Variants in KIF24 observed in about 807,000 individuals in gnomAD.
The protein encoded by KIF24 is kinesin-like protein KIF24.
A neutral mutation model predicts 118.9 loss-of-function variants in KIF24; 81 were observed. The observed-to-expected ratio is 0.68, with a 90% confidence interval of 0.57 to 0.82. KIF24 has a LOEUF of 0.82. Among genes scored for constraint, KIF24 ranks in the 40% least tolerant of loss-of-function variants. KIF24 has a pLI of 0.00. For synonymous variants in KIF24, 599 were observed against 610.0 expected (o/e 0.98, Z 0.27); for missense variants, 1,560 against 1,661.6 (o/e 0.94, Z 1.06).
At chr9:34,285,344 A>C (rs1236678641) in intron 6 of KIF24, among the ~76,000 whole-genome samples, 1 of 152,182 alleles carries the variant, frequency 6.6e-6, no homozygotes, top group Non-Finnish European at 1.5e-5. Context: ...ATTTAAAATA[A>C]GGGCCAGGTG....
At position 34,255,855 on chromosome 9, in the gene KIF24, A is replaced by C. The variant is rs767125826; in HGVS notation, c.3752T>G (p.Val1251Gly). 3.1e-6 allele frequency: 5 copies of C among 1,613,886 alleles called. No individual in the cohort carries two copies. In the African/African-American group the frequency reaches 5.3e-5, roughly 17 times the overall value. Reference sequence around the variant, plus strand: ...GATCGGCCTGGGTTTGAGCCATGTGACATTTTCACTGTTGCAGGGCAACTT... The same window carrying C: ...GATCGGCCTGGGTTTGAGCCATGTGCCATTTTCACTGTTGCAGGGCAACTT... ...PIKLPCNSEN[V>G]TWLKPRPISR... Residue 1251 changes from valine (V) to glycine (G), a missense_variant, in exon 11 of 13, where the codon GTC (valine) becomes GGC (glycine). By Grantham distance (109) the Val-to-Gly change is moderately radical. Around this residue, in one of 3 missense-constraint regions of KIF24, gnomAD observed 591 missense variants for 655.6 expected, o/e 0.90. Coordinates refer to ENST00000402558, the MANE Select transcript of KIF24 (RefSeq NM_194313.4).
At chr9:34,326,628 A>C (rs183112065) in intron 1 of KIF24, among the ~76,000 whole-genome samples, 358 of 152,264 alleles carry the variant, frequency 2.4e-3, no homozygotes, top group South Asian at 5.0e-3. Flanking sequence ...CATTAGCCCA[A>C]AGGTGGAAAT....
intron 6 of KIF24, chr9:34,282,586 C>T (rs2131732244): frequency 6.6e-6 from 1 of 152,198 alleles, no homozygotes; most frequent in Admixed American, 6.5e-5. Context: ...GAGCAAGCTC[C>T]TACTCCATCT....
At chr9:34,277,068 T>C (rs1835683719) in intron 6 of KIF24, among the ~76,000 whole-genome samples, 1 of 152,186 alleles carries the variant, frequency 6.6e-6, no homozygotes, top group Non-Finnish European at 1.5e-5. Flanking sequence ...AAACTCTTTT[T>C]TTTCTTCATT....
rs764816516 is a variant in KIF24, at chr9:34,310,883, T to C, written c.464A>G (p.Asn155Ser). 1.9e-5 allele frequency: 30 copies of C among 1,613,882 alleles called. No homozygotes were observed. Among genetic ancestry groups the C allele is most frequent in the Non-Finnish European group, 2.3e-5 (27 of 1,179,866 alleles). ...SQYHTKTGIL[N>S]ATAGDSYVQT... ...CACATAGGAATCACCAGCTGTGGCATTCAGAATTCCTGTTTTTGTATGGTA... is the reference window on the plus strand; with the variant it reads ...CACATAGGAATCACCAGCTGTGGCACTCAGAATTCCTGTTTTTGTATGGTA... Residue 155 changes from asparagine to serine, a missense_variant, in exon 2 of 13, where the codon AAT (asparagine) becomes AGT (serine). Asn to Ser is a conservative substitution (Grantham distance 46). Coordinates refer to ENST00000402558, the MANE Select transcript of KIF24 (RefSeq NM_194313.4).
chr9:34,314,385 C>T (rs12375518), intron 1 of KIF24, among the ~76,000 whole-genome samples: 34,259 of 151,800 alleles, frequency 0.23, 4,558 homozygotes, highest in East Asian at 0.61. Flanking sequence ...AGGTTGGTCT[C>T]GAACTCCTGA....
chr9:34,258,591 C>T (rs116214538), intron 10 of KIF24, among the ~76,000 whole-genome samples: 17 of 152,342 alleles, frequency 1.1e-4, no homozygotes, highest in African/African-American at 3.9e-4. Flanking sequence ...AGGCCAGAGA[C>T]GCCAGTCTCA....
rs894627585 is a variant in KIF24 at position 34,311,148 on chromosome 9, C to T, written c.199G>A (p.Glu67Lys). Residue 67 changes from glutamate (E) to lysine (K), a missense_variant, in exon 2 of 13, where the codon GAA becomes AAA. By Grantham distance (56) the Glu-to-Lys change is moderately conservative. Transcript: ENST00000402558. ...TCTGGGATACTGACTGCTTTATCTTCTTCTTGCATAATCTTAATAATTTTG... is the reference window on the plus strand; with the variant it reads ...TCTGGGATACTGACTGCTTTATCTTTTTCTTGCATAATCTTAATAATTTTG... The part of the protein sequence containing the change: ...LIKIIKIMQE[E>K]DKAVSIPERH... 4.1e-5 allele frequency: 66 copies of T among 1,613,464 alleles called. No individual in the cohort carries two copies. The highest frequency in any genetic ancestry group is 5.0e-5 in the Non-Finnish European group (59 of 1,179,626).
upstream of KIF24, chr9:34,329,450 C>A (rs1837807913): frequency 6.6e-6 from 1 of 152,218 alleles, no homozygotes. Flanking sequence ...GATCTCGCGA[C>A]GTTTCAGTGT....
intron 1 of KIF24, among the ~76,000 whole-genome samples, chr9:34,326,299 C>T (rs186758638): frequency 6.6e-6 from 1 of 152,246 alleles, no homozygotes; most frequent in Non-Finnish European, 1.5e-5. Context: ...CTACAGTGAG[C>T]CATGATCACA....
intron 6 of KIF24, among the ~76,000 whole-genome samples, chr9:34,285,584 C>T (rs1000120988): frequency 1.3e-5 from 2 of 151,894 alleles, no homozygotes; most frequent in Non-Finnish European, 2.9e-5. Flanking sequence ...ACCATTCTGG[C>T]AAACACGGTG....
In KIF24 at chr9:34,259,666, T is replaced by G. The variant is rs74327675; in HGVS notation, c.1555A>C (p.Met519Leu). The change falls in exon 10 of 13, where the codon ATG (methionine) becomes CTG (leucine). Residue 519 changes from methionine (M) to leucine (L), a missense_variant. Physicochemically the swap from Met to Leu is conservative, Grantham distance 15. Around this residue, in one of 3 missense-constraint regions of KIF24, gnomAD observed 964 missense variants for 988.0 expected, o/e 0.98. Coordinates refer to ENST00000402558, the MANE Select transcript of KIF24 (RefSeq NM_194313.4). The stretch of plus-strand genomic sequence containing the variant: ...TGGCTTGGTGAGATGTTGGCGATCA[T>G]GCAGGTTTTGGCATTGCCGATGAAA... ...DSFIGNAKTC[M>L]IANISPSHVA... The G allele has an allele frequency of 1.2e-6, 2 of 1,613,826 alleles. No individual in the cohort carries two copies. The highest frequency in any genetic ancestry group is 2.7e-5 in the African/African-American group (2 of 74,922).
chr9:34,316,469 A>G (rs9696517), intron 1 of KIF24, among the ~76,000 whole-genome samples: 4,674 of 152,254 alleles, frequency 0.031, 236 homozygotes, highest in African/African-American at 0.11. Flanking sequence ...TACGAGTCCC[A>G]TCACCCAAAG....
chr9:34,309,555 A>G (rs995275588), intron 2 of KIF24, among the ~76,000 whole-genome samples: 4 of 151,778 alleles, frequency 2.6e-5, no homozygotes, highest in Admixed American at 2.0e-4. Context: ...AAAAAAAAAA[A>G]AAAAAGAAAA....
At chr9:34,298,935 GA>G (rs1836588443) in intron 3 of KIF24, among the ~76,000 whole-genome samples, 2 of 151,964 alleles carry the variant, frequency 1.3e-5, no homozygotes, top group African/African-American at 4.8e-5. Flanking sequence ...GAAAAAGACA[GA>G]AAAAAGACCC....
At chr9:34,289,026 A>C (rs1206767628) in intron 5 of KIF24, among the ~76,000 whole-genome samples, 1 of 152,140 alleles carries the variant, frequency 6.6e-6, no homozygotes, top group Non-Finnish European at 1.5e-5. Flanking sequence ...CTTCAACACC[A>C]AGAAGGTAAA....
intron 1 of KIF24, among the ~76,000 whole-genome samples, chr9:34,324,840 C>G (rs568088566): frequency 6.6e-6 from 1 of 152,282 alleles, no homozygotes; most frequent in African/African-American, 2.4e-5. Flanking sequence ...TCAAACTTCC[C>G]TTTACCTGTC....
intron 3 of KIF24, among the ~76,000 whole-genome samples, chr9:34,299,815 TGTGTGTGC>T (rs1402343318): frequency 3.3e-3 from 249 of 75,174 alleles, no homozygotes; most frequent in South Asian, 8.4e-3. Flanking sequence ...TGTGTGTGTG[TGTGTGTGC>T]GTGTGTGTGT....
Position 34,305,981 on chromosome 9 carries a change from C to A in KIF24, c.813+271G>T, listed in dbSNP as rs374004469. On this transcript the variant is annotated intron_variant, in intron 3 of 12. Coordinates refer to ENST00000402558, the MANE Select transcript of KIF24 (RefSeq NM_194313.4). ...CTGAATATGTATAATTAAATTCACA[C>A]AAAGCATGTTAAGTGAATATATGAT... 2.6e-5 allele frequency among the ~76,000 whole-genome samples: 4 copies of A among 152,118 alleles called. No homozygotes were observed. In the East Asian group the frequency reaches 7.7e-4, roughly 29 times the overall value.
Sources: allele counts gnomAD v4.1 joint callset (sites outside exome capture counted in the v4.1 genomes callset), GRCh38; gene constraint gnomAD v4.1.1; regional missense constraint gnomAD v4.1.1; transcripts MANE v1.5; gene names NCBI Gene and HGNC (gene_info 2026-07-23, HGNC 2026-07-21).